Variants in NLRP1 observed in about 807,000 individuals in gnomAD.
NLRP1 encodes NACHT, LRR and PYD domains-containing protein 1.
In NLRP1, 94 loss-of-function variants were observed where a neutral mutation model predicts 136.7. The ratio of observed to expected loss-of-function variants is 0.69; its 90% CI spans 0.58 to 0.82. NLRP1 has a LOEUF of 0.82. Among genes scored for constraint, NLRP1 ranks in the 40% least tolerant of loss-of-function variants. The probability of loss-of-function intolerance (pLI) is 0.00; values close to 1 mark genes in which losing one functional copy is unlikely to be tolerated. For missense variants in NLRP1, 1,575 were observed against 1,802.7 expected (o/e 0.87, Z 2.29); for synonymous variants, 690 against 725.1 (o/e 0.95, Z 0.78).
intron 8 of NLRP1, among the ~76,000 whole-genome samples, chr17:5,534,581 C>T (rs1045962953): frequency 2.0e-5 from 3 of 152,170 alleles, no homozygotes; most frequent in Admixed American, 2.0e-4. Context: ...CTTCTCTCCA[C>T]CTCCATGACC....
chr17:5,581,885 T>C lies in NLRP1; in HGVS notation c.626A>G (p.Asp209Gly), dbSNP rs983843078. ...QEAPGTQWPL[D>G]ETSGIYYTEI... ...TGTGTAGTAAATTCCTGACGTTTCA[T>C]CCAGAGGCCATTGGGTCCCAGGAGC... Residue 209 changes from aspartate to glycine, a missense_variant, in exon 3 of 17, where the codon GAT becomes GGT. Transcript: ENST00000572272. 1 of 1,612,912 alleles carries C rather than the reference T, an allele frequency of 6.2e-7. No homozygotes were observed. The highest frequency in any genetic ancestry group is 8.5e-7 in the Non-Finnish European group (1 of 1,179,950).
At chr17:5,527,299 C>T (rs1320881328) in intron 12 of NLRP1, among the ~76,000 whole-genome samples, 3 of 152,188 alleles carry the variant, frequency 2.0e-5, no homozygotes, top group African/African-American at 7.2e-5. Flanking sequence ...AGAAAGTTTA[C>T]GAATTCACGT....
At chr17:5,576,627 A>G (rs1010096471) in intron 3 of NLRP1, among the ~76,000 whole-genome samples, 13 of 152,160 alleles carry the variant, frequency 8.5e-5, no homozygotes, top group African/African-American at 3.1e-4. Context: ...AATTGAGGCA[A>G]TAATTAATAG....
intron 15 of NLRP1, among the ~76,000 whole-genome samples, chr17:5,507,529 T>G (rs1907404596): frequency 6.6e-6 from 1 of 152,166 alleles, no homozygotes; most frequent in Non-Finnish European, 1.5e-5. Flanking sequence ...ACCCTGCCTC[T>G]ACTAAAACTA....
Position 5,521,754 on chromosome 17 carries a change from C to T in NLRP1, c.3553G>A (p.Ala1185Thr). ...AGCATCCCCTCCTCTTTAAAGTGGGCCATTTGGAACAGGGATGTGTCCACA... is the reference window on the plus strand; with the variant it reads ...AGCATCCCCTCCTCTTTAAAGTGGGTCATTTGGAACAGGGATGTGTCCACA... Reference protein sequence around the residue: ...GHVDTSLFQMAHFKEEGMLLE... With the variant: ...GHVDTSLFQMTHFKEEGMLLE... The change falls in exon 13 of 17, where the codon GCC becomes ACC. Residue 1185 changes from alanine (A) to threonine (T), a missense_variant. Transcript: ENST00000572272. The T allele has an allele frequency of 6.2e-7, 1 of 1,611,904 alleles. No homozygotes were observed.
intron 12 of NLRP1, among the ~76,000 whole-genome samples, chr17:5,522,573 C>T (rs1028532199): frequency 2.6e-5 from 4 of 152,220 alleles, no homozygotes; most frequent in Admixed American, 6.5e-5. Context: ...GCAGCCTGAA[C>T]AGGCTAAGAC....
chr17:5,537,552 C>T lies in NLRP1; in HGVS notation c.2871-612G>A, dbSNP rs540857631. Reference sequence around the variant, plus strand: ...GGGTCTCTGTGTCCTCCATCTACCACGTAGGATGAATCAATCCTGCCCTGC... The same window carrying T: ...GGGTCTCTGTGTCCTCCATCTACCATGTAGGATGAATCAATCCTGCCCTGC... On this transcript the variant is annotated intron_variant, in intron 7 of 16. Coordinates refer to ENST00000572272, the MANE Select transcript of NLRP1 (RefSeq NM_033004.4). This position sits in a 1 kb window ranked among gnomAD's most constrained non-coding sequence, Gnocchi z 4.5. Among the ~76,000 whole-genome samples, 12 of 152,286 alleles carry T rather than the reference C, an allele frequency of 7.9e-5. No homozygotes were observed. The highest frequency in any genetic ancestry group is 4.1e-4 in the South Asian group (2 of 4,822).
chr17:5,577,336 GATGAC>G (rs1327544515), intron 3 of NLRP1, among the ~76,000 whole-genome samples: 1 of 152,192 alleles, frequency 6.6e-6, no homozygotes, highest in African/African-American at 2.4e-5. Flanking sequence ...CCTGTTTGCA[GATGAC>G]ATGACTGAAT....
intron 12 of NLRP1, among the ~76,000 whole-genome samples, chr17:5,526,838 T>C (rs1909613273): frequency 6.6e-6 from 1 of 152,244 alleles, no homozygotes; most frequent in African/African-American, 2.4e-5. Context: ...GAATGCCCAT[T>C]GCCACGGTGA....
intron 4 of NLRP1, among the ~76,000 whole-genome samples, chr17:5,557,429 G>A (rs961585320): frequency 4.6e-5 from 7 of 152,044 alleles, no homozygotes; most frequent in African/African-American, 1.7e-4. Flanking sequence ...ACCCACTCGT[G>A]TGATCACTCC....
At chr17:5,532,775 T>G in intron 11 of NLRP1, 47 bp downstream of exon 11, 1 of 1,522,076 alleles carries the variant, frequency 6.6e-7, no homozygotes, top group Non-Finnish European at 8.8e-7. Context: ...GGATGGGCAG[T>G]GGGGTGCGGG....
intron 12 of NLRP1, among the ~76,000 whole-genome samples, chr17:5,527,484 G>C (rs1416777716): frequency 2.0e-5 from 3 of 152,066 alleles, no homozygotes; most frequent in Non-Finnish European, 4.4e-5. Context: ...GGAGGGGTAG[G>C]GGTGTAGCTC....
intron 5 of NLRP1, among the ~76,000 whole-genome samples, chr17:5,549,082 G>A (rs1913014615): frequency 6.6e-6 from 1 of 152,078 alleles, no homozygotes. Flanking sequence ...CTATGAACAT[G>A]GGACATCTTT....
chr17:5,501,659 C>A (rs1597383580), exon 16 of NLRP1: 1 of 595,290 alleles, frequency 1.7e-6, no homozygotes, highest in East Asian at 2.9e-5. Context: ...AGGCATCCAG[C>A]CTTTTGAGCA....
intron 12 of NLRP1, among the ~76,000 whole-genome samples, chr17:5,522,166 C>G (rs1361937351): frequency 6.6e-6 from 1 of 152,262 alleles, no homozygotes; most frequent in African/African-American, 2.4e-5. Flanking sequence ...TCAGGATTTG[C>G]TGGCACTGTA....
intron 12 of NLRP1, among the ~76,000 whole-genome samples, chr17:5,522,969 G>A (rs1191390291): frequency 6.6e-6 from 1 of 152,040 alleles, no homozygotes; most frequent in Non-Finnish European, 1.5e-5. Flanking sequence ...CAGGAGGCAA[G>A]CCAAGCCCCC....
downstream of NLRP1, chr17:5,512,346 A>G: frequency 7.6e-7 from 1 of 1,310,542 alleles, no homozygotes; most frequent in Non-Finnish European, 1.1e-6. Context: ...CTTTAGCCTT[A>G]CACTTGGTTA....
chr17:5,554,928 A>G (rs1004676425), intron 4 of NLRP1, among the ~76,000 whole-genome samples: 3 of 151,856 alleles, frequency 2.0e-5, no homozygotes, highest in Non-Finnish European at 4.4e-5. Context: ...AGGCTGAGGC[A>G]GGAGAATGGC....
intron 4 of NLRP1, among the ~76,000 whole-genome samples, chr17:5,556,049 G>A (rs899399108): frequency 6.6e-6 from 1 of 151,742 alleles, no homozygotes; most frequent in African/African-American, 2.4e-5. Flanking sequence ...AGCAGAGATC[G>A]TGCCACCGCA....
Sources: allele counts gnomAD v4.1 joint callset (sites outside exome capture counted in the v4.1 genomes callset), GRCh38; gene constraint gnomAD v4.1.1; non-coding constraint Gnocchi (gnomAD v3.1); transcripts MANE v1.5; gene names NCBI Gene and HGNC (gene_info 2026-07-23, HGNC 2026-07-21).